Variants in RIMS2 observed in about 807,000 individuals in gnomAD.
RIMS2 encodes regulating synaptic membrane exocytosis 2, also known as regulating synaptic membrane exocytosis protein 2.
RIMS2 carries 59 observed loss-of-function variants against 174.4 expected under a neutral mutation model. The observed-to-expected ratio is 0.34, with a 90% CI of 0.27 to 0.42. RIMS2 has a LOEUF of 0.42. Among genes scored for constraint, RIMS2 ranks in the 10% least tolerant of loss-of-function variants. The probability of loss-of-function intolerance (pLI) is 1.00; values close to 1 mark genes in which losing one functional copy is unlikely to be tolerated. For missense variants in RIMS2, 1,620 were observed against 1,666.3 expected, an observed-to-expected ratio of 0.97 and a Z score of 0.48; for synonymous variants, 606 against 572.5, an observed-to-expected ratio of 1.06 and a Z score of -0.84.
Position 103,932,215 on chromosome 8 carries a change from A to G in RIMS2, c.2375+822A>G, listed in dbSNP as rs554027597. ...ATTTTTTCTCAGGTTGAAAGTGGAT[A>G]GGCACAGATGTGATGTTAAATATGT... On this transcript the variant is annotated intron_variant, in intron 12 of 23. Transcript: ENST00000504942. 3.3e-5 allele frequency among the ~76,000 whole-genome samples: 5 copies of G among 152,332 alleles called. No homozygotes were observed. In the East Asian group the frequency reaches 9.6e-4, roughly 29 times the overall value.
At chr8:103,604,012 AT>A (rs1332326557) in intron 1 of RIMS2, among the ~76,000 whole-genome samples, 2 of 148,770 alleles carry the variant, frequency 1.3e-5, no homozygotes, top group Non-Finnish European at 3.0e-5. Context: ...ATTAGATCCC[AT>A]TTGTCTATTT....
intron 15 of RIMS2, among the ~76,000 whole-genome samples, chr8:103,973,203 G>A (rs750361209): frequency 1.3e-5 from 2 of 152,224 alleles, no homozygotes; most frequent in Non-Finnish European, 2.9e-5. Context: ...GAGCACTGGA[G>A]TCAGAAGTAT....
intron 17 of RIMS2, among the ~76,000 whole-genome samples, chr8:103,994,366 T>C (rs2094934447): frequency 6.6e-6 from 1 of 152,160 alleles, no homozygotes; most frequent in Non-Finnish European, 1.5e-5. Flanking sequence ...ATCTATGACT[T>C]CTTTATTTTG....
chr8:103,687,654 A>G (rs1691205874), intron 1 of RIMS2, among the ~76,000 whole-genome samples: 1 of 152,046 alleles, frequency 6.6e-6, no homozygotes. Flanking sequence ...CCTTTGACCA[A>G]CATCTCCCTA....
At chr8:103,951,371 G>A (rs1427981859) in intron 14 of RIMS2, among the ~76,000 whole-genome samples, 8 of 152,194 alleles carry the variant, frequency 5.3e-5, no homozygotes, top group Non-Finnish European at 1.0e-4. Context: ...CGAGATCGAC[G>A]CAGAAGGCGG....
chr8:104,060,775 G>T (rs1990377168), intron 19 of RIMS2, among the ~76,000 whole-genome samples: 1 of 152,034 alleles, frequency 6.6e-6, no homozygotes, highest in Non-Finnish European at 1.5e-5. Flanking sequence ...TTGTGTCTTT[G>T]TTCTCGCTGG....
intron 1 of RIMS2, among the ~76,000 whole-genome samples, chr8:103,651,927 T>TTCAATA (rs2096459429): frequency 6.6e-6 from 1 of 152,276 alleles, no homozygotes; most frequent in Admixed American, 6.5e-5. Context: ...CTTAAAAATC[T>TTCAATA]TCAATATCAA....
At chr8:103,898,588 A>C (rs139683893) in intron 4 of RIMS2, among the ~76,000 whole-genome samples, 1 of 151,716 alleles carries the variant, frequency 6.6e-6, no homozygotes, top group African/African-American at 2.4e-5. Context: ...AGACTGTTGA[A>C]TTAAAAAAAG....
intron 1 of RIMS2, among the ~76,000 whole-genome samples, chr8:103,575,160 C>A (rs562061568): frequency 6.6e-6 from 1 of 152,034 alleles, no homozygotes; most frequent in Non-Finnish European, 1.5e-5. Context: ...GATAAAAGAA[C>A]TTATATAAAT....
intron 19 of RIMS2, among the ~76,000 whole-genome samples, chr8:104,089,542 C>T (rs924764367): frequency 4.6e-5 from 7 of 151,718 alleles, no homozygotes; most frequent in South Asian, 4.2e-4. Context: ...AAATATTTTT[C>T]GTATTCTTTC....
chr8:103,638,526 C>G (rs1187838680), intron 1 of RIMS2, among the ~76,000 whole-genome samples: 1 of 151,956 alleles, frequency 6.6e-6, no homozygotes, highest in Non-Finnish European at 1.5e-5. Context: ...CTTGAGGGAG[C>G]ATTATAATCC....
intron 1 of RIMS2, among the ~76,000 whole-genome samples, chr8:103,694,265 A>G (rs1399487290): frequency 1.3e-5 from 2 of 152,138 alleles, no homozygotes; most frequent in African/African-American, 2.4e-5. Flanking sequence ...TGATGCTTGC[A>G]GTAGTACGGG....
At chr8:104,102,987 A>G (rs1364258483) in intron 19 of RIMS2, among the ~76,000 whole-genome samples, 1 of 152,194 alleles carries the variant, frequency 6.6e-6, no homozygotes, top group East Asian at 1.9e-4. Context: ...AGAGAAAAAG[A>G]TCTCTGCTTT....
chr8:104,223,630 G>T, intron 19 of RIMS2: 4 of 1,583,658 alleles, frequency 2.5e-6, no homozygotes, highest in Non-Finnish European at 3.4e-6. Context: ...TGTACCGCGG[G>T]AAAAGCGGGT....
At chr8:104,096,296 A>G (rs2097761447) in intron 19 of RIMS2, among the ~76,000 whole-genome samples, 1 of 152,150 alleles carries the variant, frequency 6.6e-6, no homozygotes, top group Admixed American at 6.5e-5. Flanking sequence ...ACGCTGCCAT[A>G]CCTGGCTTGC....
chr8:103,763,320 C>A (rs1195037030), intron 2 of RIMS2, among the ~76,000 whole-genome samples: 3 of 152,068 alleles, frequency 2.0e-5, no homozygotes, highest in African/African-American at 7.2e-5. Flanking sequence ...CCCATACTCC[C>A]AGCTACTTGA....
chr8:104,116,649 T>C (rs1024439003), intron 19 of RIMS2, among the ~76,000 whole-genome samples: 2 of 152,090 alleles, frequency 1.3e-5, no homozygotes, highest in African/African-American at 4.8e-5. Flanking sequence ...TTTTAAAACT[T>C]GGGAGATACT....
intron 3 of RIMS2, among the ~76,000 whole-genome samples, chr8:103,849,375 T>C (rs1017098560): frequency 7.9e-5 from 12 of 152,042 alleles, no homozygotes; most frequent in African/African-American, 2.7e-4. Flanking sequence ...TGAAGGAATG[T>C]TCTTCAGGAA....
chr8:103,820,082 C>G (rs968671525), intron 3 of RIMS2, among the ~76,000 whole-genome samples: 1 of 151,990 alleles, frequency 6.6e-6, no homozygotes, highest in Non-Finnish European at 1.5e-5. Context: ...CTGGGTAGCT[C>G]AATAATCACT....
Sources: gnomAD v4.1 joint callset for allele counts (sites outside exome capture counted in the v4.1 genomes callset) on GRCh38, gnomAD v4.1.1 for gene constraint, MANE v1.5 for transcripts, NCBI Gene and HGNC (gene_info 2026-07-23, HGNC 2026-07-21) for gene names.